LMNA: variants seen among roughly 807,000 people sequenced by gnomAD.
LMNA encodes lamin.
LMNA carries 20 observed loss-of-function variants against 70.4 expected under a neutral mutation model. The ratio of observed to expected loss-of-function variants is 0.28; its 90% CI spans 0.20 to 0.41. The LOEUF (loss-of-function observed/expected upper bound fraction) is 0.41. LMNA is among the 10% of genes least tolerant of loss of function. The probability of loss-of-function intolerance (pLI) is 1.00; values close to 1 mark genes in which losing one functional copy is unlikely to be tolerated. For synonymous variants in LMNA, 339 were observed against 372.8 expected (o/e 0.91, Z 1.04); for missense variants, 652 against 917.2 (o/e 0.71, Z 3.73).
chr1:156,133,100 A>G (rs926507787), intron 2 of LMNA, among the ~76,000 whole-genome samples: 2 of 151,368 alleles, frequency 1.3e-5, no homozygotes, highest in Non-Finnish European at 2.9e-5. Context: ...TCAGCCTCCC[A>G]AAGTGCTGGG....
chr1:156,104,673 C>T (rs1410997588), intron 3 of LMNA, among the ~76,000 whole-genome samples: 2 of 152,164 alleles, frequency 1.3e-5, no homozygotes, highest in African/African-American at 4.8e-5. Context: ...TGCTTCTCCC[C>T]CGCTACATCT....
rs115967200 is a variant in LMNA, at chr1:156,083,840, C to T, written c.-319+656C>T. ...AAACCCATTCAGTCCCGTTTGACTCCGGAAATTCGGTGAGAATGAAAATAA... is the reference window on the plus strand; with the variant it reads ...AAACCCATTCAGTCCCGTTTGACTCTGGAAATTCGGTGAGAATGAAAATAA... On this transcript the variant is annotated intron_variant, in intron 2 of 12. Transcript: ENST00000368301. 1.2e-3 allele frequency among the ~76,000 whole-genome samples: 185 copies of T among 152,276 alleles called. 2 individuals are homozygous for T. The highest frequency in any genetic ancestry group is 4.0e-3 in the African/African-American group (165 of 41,550).
intron 3 of LMNA, among the ~76,000 whole-genome samples, chr1:156,091,580 C>T (rs1648705165): frequency 2.0e-5 from 3 of 152,050 alleles, no homozygotes; most frequent in Admixed American, 2.0e-4. Flanking sequence ...CCAGCCTGGG[C>T]AATAACAGCA....
In LMNA at chr1:156,138,415, C is replaced by T; in HGVS notation, c.1699-73C>T. 1.3e-6 allele frequency: 2 copies of T among 1,529,738 alleles called. No homozygotes were observed. Among genetic ancestry groups the T allele is most frequent in the Non-Finnish European group, 1.8e-6 (2 of 1,125,640 alleles). The allele number at this position is 1,529,738 out of a possible 1,614,324, so 94.8% of individuals were successfully genotyped here. Reference sequence around the variant, plus strand: ...CCTGGCGGCTGGGAGCCTGCAGGAGCCTGGAGCCTGGTTGGGCCTGAGTGG... The same window carrying T: ...CCTGGCGGCTGGGAGCCTGCAGGAGTCTGGAGCCTGGTTGGGCCTGAGTGG... On this transcript the variant is annotated intron_variant, in intron 10 of 11. Coordinates refer to ENST00000368300, the MANE Select transcript of LMNA (RefSeq NM_170707.4). The surrounding 1 kb of genome is among the most constrained non-coding windows in gnomAD (Gnocchi z 5.5).
chr1:156,128,706 C>T (rs548460876), intron 1 of LMNA, among the ~76,000 whole-genome samples: 1 of 152,338 alleles, frequency 6.6e-6, no homozygotes, highest in Admixed American at 6.5e-5. Context: ...CTGGGCCATT[C>T]ACCTTCCTCC....
rs368672729 is a variant in LMNA at position 156,083,773 on chromosome 1, G to A, written c.-319+589G>A. On this transcript the variant is annotated intron_variant, in intron 2 of 12. Coordinates refer to the LMNA transcript ENST00000368301. Reference sequence around the variant, plus strand: ...AGTCTAGATCGCAGAGTGAGACTCCGTCCCCCCCACAAAAAAACAAAAACA... The same window carrying A: ...AGTCTAGATCGCAGAGTGAGACTCCATCCCCCCCACAAAAAAACAAAAACA... 8.6e-4 allele frequency among the ~76,000 whole-genome samples: 131 copies of A among 152,014 alleles called. 2 individuals carry two copies. In the Middle Eastern group the frequency reaches 0.017, roughly 20 times the overall value.
chr1:156,117,327 C>T (rs144782862), intron 1 of LMNA, among the ~76,000 whole-genome samples: 1 of 151,844 alleles, frequency 6.6e-6, no homozygotes, highest in Non-Finnish European at 1.5e-5. Flanking sequence ...CTCTGCCTCC[C>T]AGGTTCAAGC....
At chr1:156,127,024 C>G (rs979803335) in intron 1 of LMNA, 8 of 973,914 alleles carry the variant, frequency 8.2e-6, no homozygotes, top group Non-Finnish European at 1.1e-5. Context: ...GCCTGCCCCA[C>G]CCTGTCCTCC....
chr1:156,111,726 G>A (rs61813331), upstream of LMNA, among the ~76,000 whole-genome samples: 2,004 of 152,302 alleles, frequency 0.013, 22 homozygotes, highest in Non-Finnish European at 0.021. Context: ...CTCAGTCCCC[G>A]TCTTTGATAG....
At chr1:156,118,724 A>G (rs1027476828) in intron 1 of LMNA, among the ~76,000 whole-genome samples, 1 of 151,980 alleles carries the variant, frequency 6.6e-6, no homozygotes, top group African/African-American at 2.4e-5. Context: ...CATTTTCCCA[A>G]CCCCTCCCAC....
intron 3 of LMNA, among the ~76,000 whole-genome samples, chr1:156,098,266 C>T (rs1298147308): frequency 6.6e-6 from 1 of 152,128 alleles, no homozygotes; most frequent in Non-Finnish European, 1.5e-5. Context: ...AAAGCTGAGG[C>T]TCATAGAAGG....
At chr1:156,118,402 C>T (rs1033823063) in intron 1 of LMNA, among the ~76,000 whole-genome samples, 4 of 152,174 alleles carry the variant, frequency 2.6e-5, no homozygotes, top group African/African-American at 7.2e-5. Context: ...GGACACCAGG[C>T]GGGTATGTGC....
intron 1 of LMNA, among the ~76,000 whole-genome samples, chr1:156,129,341 C>CA (rs1368921439): frequency 6.6e-6 from 1 of 152,200 alleles, no homozygotes; most frequent in Non-Finnish European, 1.5e-5. Flanking sequence ...CTAAGCAGAA[C>CA]ACTGCCTGGG....
rs1233499658 is a variant in LMNA, at chr1:156,137,278, G to A, written c.1608+46G>A. On this transcript the variant is annotated intron_variant, in intron 9 of 11. Transcript: ENST00000368300. This position sits in a 1 kb window ranked among gnomAD's most constrained non-coding sequence, Gnocchi z 4.6. ...CTGCTTGCTGGACGAGGCTCCCCCT[G>A]ATGGCCAACATCGGAGCCAGCTGCC... 1 of 1,540,718 alleles carries A rather than the reference G, an allele frequency of 6.5e-7. No individual in the cohort carries two copies. Among genetic ancestry groups the A allele is most frequent in the Admixed American group, 1.9e-5 (1 of 51,288 alleles).
rs555844506 is a variant in LMNA at position 156,137,826 on chromosome 1, G to A, written c.1698+83G>A. The A allele has an allele frequency of 2.4e-4, 363 of 1,541,796 alleles. No individual in the cohort carries two copies. Among genetic ancestry groups the A allele is most frequent in the Non-Finnish European group, 2.9e-4 (327 of 1,145,388 alleles). ...GGGGCAGCCTCTCCCCAGCCTCCCC[G>A]TGCCAAAAATCTTTTCATTAAAGAA... On this transcript the variant is annotated intron_variant, in intron 10 of 11. Coordinates refer to ENST00000368300, the MANE Select transcript of LMNA (RefSeq NM_170707.4). The surrounding 1 kb of genome is among the most constrained non-coding windows in gnomAD (Gnocchi z 4.6).
chr1:156,106,235 C>T (rs1034306716), intron 3 of LMNA, among the ~76,000 whole-genome samples: 1 of 152,228 alleles, frequency 6.6e-6, no homozygotes, highest in Non-Finnish European at 1.5e-5. Flanking sequence ...ACATTTGGCC[C>T]ACACTGGGTT....
At chr1:156,100,041 G>A (rs996756231) in intron 3 of LMNA, among the ~76,000 whole-genome samples, 1 of 152,078 alleles carries the variant, frequency 6.6e-6, no homozygotes, top group African/African-American at 2.4e-5. Flanking sequence ...GCTCCATCCA[G>A]CCTGGCATAG....
chr1:156,114,676 A>C, upstream of LMNA: 2 of 369,776 alleles, frequency 5.4e-6, no homozygotes, highest in Non-Finnish European at 9.7e-6. Context: ...TCAGAGGAGG[A>C]CCTATTAGAG....
chr1:156,126,351 C>T, intron 1 of LMNA: 1 of 799,964 alleles, frequency 1.3e-6, no homozygotes, highest in Non-Finnish European at 1.9e-6. Context: ...CTTGCTTCTC[C>T]CCCAGATTGG....
Sources: allele counts gnomAD v4.1 joint callset (sites outside exome capture counted in the v4.1 genomes callset), GRCh38; gene constraint gnomAD v4.1.1; non-coding constraint Gnocchi (gnomAD v3.1); transcripts MANE v1.5; gene names NCBI Gene and HGNC (gene_info 2026-07-23, HGNC 2026-07-21).